GUF1: variants seen among roughly 807,000 people sequenced by gnomAD.
GUF1 encodes the protein GTP binding elongation factor GUF1.
A neutral mutation model predicts 82.4 loss-of-function variants in GUF1; 78 were observed. The observed-to-expected ratio is 0.95, with a 90% CI of 0.79 to 1.14. The LOEUF is 1.14. Ranked by LOEUF, GUF1 falls within the 50% of genes most tolerant of loss-of-function variation. The pLI, the probability that GUF1 is intolerant of heterozygous loss-of-function variation, is 0.00. For missense variants in GUF1, 814 were observed against 798.2 expected (o/e 1.02, Z -0.24); for synonymous variants, 279 against 282.3 (o/e 0.99, Z 0.12).
chr4:44,681,302 T>C, intron 4 of GUF1, 99 bp downstream of exon 4: 1 of 852,822 alleles, frequency 1.2e-6, no homozygotes, highest in South Asian at 1.6e-5. Context: ...AATTTTTGTG[T>C]TTGAAAAATA....
In GUF1 at chr4:44,686,556, T is replaced by C. The variant is rs751128398; in HGVS notation, c.781T>C (p.Ser261Pro). The change falls in exon 8 of 17, where the codon TCC becomes CCC. Residue 261 changes from serine to proline, a missense_variant. Transcript: ENST00000281543. The part of the protein sequence containing the change: ...KNPLRALVFD[S>P]TFDQYRGVIA... The stretch of plus-strand genomic sequence containing the variant: ...TCCTCTGAGAGCTTTGGTATTTGAC[T>C]CCACCTTTGACCAGTATAGAGGTGT... 1 of 1,612,304 alleles carries C rather than the reference T, an allele frequency of 6.2e-7. No homozygotes were observed. The highest frequency in any genetic ancestry group is 8.5e-7 in the Non-Finnish European group (1 of 1,178,780).
Position 44,699,286 on chromosome 4 carries a change from C to G in GUF1, c.*605C>G, listed in dbSNP as rs1478339778. ...CTCGACTCACTGCAACCTCTGCCTC[C>G]TGGGTTCAAGAGATTCTCCTGCCTC... On this transcript the variant is annotated 3_prime_UTR_variant, in exon 17 of 17. Transcript: ENST00000281543. The G allele has an allele frequency of 2.0e-5, 3 of 152,714 alleles. No individual in the cohort carries two copies. In the East Asian group the frequency reaches 5.8e-4, roughly 29 times the overall value. The allele number at this position is 152,714 out of a possible 1,614,324, so 9.5% of individuals were successfully genotyped here.
rs575851684 is a variant in GUF1, at chr4:44,680,531, G to A, written c.256G>A (p.Asp86Asn). 1 of 1,606,228 alleles carries A rather than the reference G, an allele frequency of 6.2e-7. No individual in the cohort carries two copies. The highest frequency in any genetic ancestry group is 1.3e-5 in the African/African-American group (1 of 74,798). ...GGATCATGGCAAAAGTACTTTAGCT[G>A]ACAGGCTCCTAGAACTTACAGGTAT... ...HVDHGKSTLADRLLELTGTID... is the reference protein window; with the variant it reads ...HVDHGKSTLANRLLELTGTID... Residue 86 changes from aspartate to asparagine, a missense_variant, in exon 2 of 17, where the codon GAC becomes AAC. Asp to Asn is a conservative substitution (Grantham distance 23). Transcript: ENST00000281543.
chr4:44,683,448 A>G (rs1029711897), intron 6 of GUF1, 130 bp downstream of exon 6: 4 of 553,992 alleles, frequency 7.2e-6, no homozygotes, highest in African/African-American at 4.0e-5. Context: ...TTCTTTTACT[A>G]TTATTTCCTT....
At chr4:44,683,396 G>GAAATT in intron 6 of GUF1, 78 bp downstream of exon 6, 1 of 755,484 alleles carries the variant, frequency 1.3e-6, no homozygotes, top group Non-Finnish European at 2.2e-6. Context: ...CATGGTATTT[G>GAAATT]ATAACCTGGC....
At chr4:44,688,533 T>G (rs1715213436) in intron 9 of GUF1, among the ~76,000 whole-genome samples, 1 of 151,954 alleles carries the variant, frequency 6.6e-6, no homozygotes. Flanking sequence ...TCTTTAATAT[T>G]GTACTGTACT....
intron 6 of GUF1, among the ~76,000 whole-genome samples, chr4:44,683,653 G>A (rs1236386611): frequency 2.0e-5 from 3 of 151,944 alleles, no homozygotes; most frequent in Non-Finnish European, 4.4e-5. Context: ...TTTGCCCAGT[G>A]GAAATACTGT....
Position 44,689,302 on chromosome 4 carries a change from C to CCAATCTGAATATAA in GUF1, c.1105_1118dup (p.Lys373AsnfsTer5). 1 of 1,603,822 alleles carries CCAATCTGAATATAA rather than the reference C, an allele frequency of 6.2e-7. No individual in the cohort carries two copies. The highest frequency in any genetic ancestry group is 8.5e-7 in the Non-Finnish European group (1 of 1,174,382). On this transcript the variant is annotated frameshift_variant, in exon 10 of 17. Coordinates refer to ENST00000281543, the MANE Select transcript of GUF1 (RefSeq NM_021927.3). LOFTEE classifies it high-confidence loss of function. ...TATCCCCAGGAATGTATCCTCTAGA[C>CCAATCTGAATATAA]CAATCTGAATATAACAATCTGAAGA...
chr4:44,691,859 AG>A, intron 13 of GUF1, 60 bp downstream of exon 13: 1 of 1,125,620 alleles, frequency 8.9e-7, no homozygotes, highest in South Asian at 1.5e-5. Flanking sequence ...TTGATGAGCA[AG>A]GGTATACTAA....
At position 44,689,326 on chromosome 4, in the gene GUF1, G is replaced by A; in HGVS notation, c.1119G>A (p.Lys373=). 1 of 1,609,924 alleles carries A rather than the reference G, an allele frequency of 6.2e-7. No individual in the cohort carries two copies. The highest frequency in any genetic ancestry group is 8.5e-7 in the Non-Finnish European group (1 of 1,177,356). The change falls in exon 10 of 17, where the codon AAG becomes AAA. Residue 373 remains lysine, a synonymous_variant. Transcript: ENST00000281543. ...PLDQSEYNNL[K]SAIEKLTLND... is the part of the protein sequence containing the mutation. ...ACCAATCTGAATATAACAATCTGAA[G>A]AGTGCTATAGAAAAACTGACTTTAA...
At chr4:44,689,242 T>A in intron 9 of GUF1, 44 bp from the exon 10 acceptor site, 1 of 1,510,504 alleles carries the variant, frequency 6.6e-7, no homozygotes, top group Non-Finnish European at 8.9e-7. Flanking sequence ...GATAGGTCTG[T>A]AGGCAGCTTA....
intron 4 of GUF1, 81 bp downstream of exon 4, chr4:44,681,284 G>A: frequency 2.0e-6 from 2 of 1,024,690 alleles, no homozygotes; most frequent in Non-Finnish European, 1.5e-6. Context: ...AATGTGTTTT[G>A]GAAATAGAAT....
rs1237324812 is a variant in GUF1, at chr4:44,683,230, T to C, written c.586-5T>C. 1 of 1,522,416 alleles carries C rather than the reference T, an allele frequency of 6.6e-7. No individual in the cohort carries two copies. The highest frequency in any genetic ancestry group is 1.2e-5 in the South Asian group (1 of 82,608). 94.3% of individuals were successfully genotyped at this position (1,522,416 alleles called of 1,614,324 possible). A position where few individuals can be genotyped will look rare whatever the true frequency, so the allele number is the denominator to read the frequency against. ...ACTTCACATAATGGATTTTTTTTTT[T>C]AAAGATAGATCTGAAGAATGCTGAT... On this transcript the variant is annotated splice_polypyrimidine_tract_variant and splice_region_variant and intron_variant, in intron 5 of 16. Transcript: ENST00000281543.
chr4:44,686,706 C>A lies in GUF1; in HGVS notation c.931C>A (p.His311Asn). 1 of 1,598,466 alleles carries A rather than the reference C, an allele frequency of 6.3e-7. No individual in the cohort carries two copies. The highest frequency in any genetic ancestry group is 1.1e-5 in the South Asian group (1 of 90,676). ...GVLNPNEQPT[H>N]KLYAGQVGYL... ...CTTGAATCCTAATGAGCAGCCAACT[C>A]ATAAATTGTAAGTAATCTGCATTAG... Residue 311 changes from histidine (H) to asparagine (N), a missense_variant, in exon 8 of 17, where the codon CAT (histidine) becomes AAT (asparagine). His to Asn is a moderately conservative substitution (Grantham distance 68). Transcript: ENST00000281543.
chr4:44,682,151 T>A, intron 4 of GUF1, 183 bp from the exon 5 acceptor site: 1 of 382,434 alleles, frequency 2.6e-6, no homozygotes. Flanking sequence ...ATTTTCATAT[T>A]GACCCCAAAG....
At position 44,682,334 on chromosome 4, in the gene GUF1, GGAA is replaced by G; in HGVS notation, c.509_511del (p.Gly170_Ile171delinsVal). ...GTATCTTGTATCTTGATATTTTCAG[GGAA>G]TTCAAGCCCAAACTGTAGCAAACTT... On this transcript the variant is annotated inframe_deletion and splice_region_variant, in exon 5 of 17. Coordinates refer to ENST00000281543, the MANE Select transcript of GUF1 (RefSeq NM_021927.3). 1 of 1,504,724 alleles carries G rather than the reference GGAA, an allele frequency of 6.6e-7. No individual in the cohort carries two copies. Among genetic ancestry groups the G allele is most frequent in the Non-Finnish European group, 8.9e-7 (1 of 1,124,334 alleles). 93.2% of individuals were successfully genotyped at this position (1,504,724 alleles called of 1,614,324 possible). A position where few individuals can be genotyped will look rare whatever the true frequency, so the allele number is the denominator to read the frequency against.
chr4:44,686,463 A>T, intron 7 of GUF1, 47 bp from the exon 8 acceptor site: 1 of 1,137,064 alleles, frequency 8.8e-7, no homozygotes. Flanking sequence ...TTTTATTAAG[A>T]TTTTAATTTA....
At chr4:44,681,544 A>C (rs6843249) in intron 4 of GUF1, among the ~76,000 whole-genome samples, 5 of 152,074 alleles carry the variant, frequency 3.3e-5, no homozygotes, top group African/African-American at 1.2e-4. Flanking sequence ...AGCAGATCTT[A>C]AGAATAAATC....
Position 44,678,441 on chromosome 4 carries a change from C to T in GUF1, c.-182C>T, listed in dbSNP as rs921903257. The stretch of plus-strand genomic sequence containing the variant: ...GTGCAGACGTCGGCAAGCTGCGCCG[C>T]CGCTTCGGGTTGCTTCCGGATCTGG... On this transcript the variant is annotated 5_prime_UTR_variant, in exon 1 of 17. Transcript: ENST00000281543. 46 of 506,468 alleles carry T rather than the reference C, an allele frequency of 9.1e-5. No individual in the cohort carries two copies. The highest frequency in any genetic ancestry group is 1.3e-4 in the Non-Finnish European group (40 of 305,088). 31.4% of individuals were successfully genotyped at this position (506,468 alleles called of 1,614,324 possible).
Sources: gnomAD v4.1 joint callset for allele counts (sites outside exome capture counted in the v4.1 genomes callset) on GRCh38, gnomAD v4.1.1 for gene constraint, MANE v1.5 for transcripts, NCBI Gene and HGNC (gene_info 2026-07-23, HGNC 2026-07-21) for gene names.